Variants in PEX7 observed in about 807,000 individuals in gnomAD.
The protein encoded by PEX7 is peroxisomal biogenesis factor 7.
Under a neutral mutation model 47.5 loss-of-function variants are expected in PEX7, and 34 were observed. The observed-to-expected ratio is 0.72, with a 90% CI of 0.54 to 0.95. The LOEUF (loss-of-function observed/expected upper bound fraction) is 0.95. Ranked by LOEUF, PEX7 falls within the 40% of genes least tolerant of loss-of-function variation. The pLI is 0.00. For synonymous variants in PEX7, 141 were observed against 148.8 expected (o/e 0.95, Z 0.38); for missense variants, 394 against 400.3 (o/e 0.98, Z 0.13).
At position 136,826,481 on chromosome 6, in the gene PEX7, A is replaced by G; in HGVS notation, c.339+12A>G. 4 of 1,613,880 alleles carry G rather than the reference A, an allele frequency of 2.5e-6. No homozygotes were observed. Among genetic ancestry groups the G allele is most frequent in the African/African-American group, 2.7e-5 (2 of 74,912 alleles). ...AACACGCTCAGGAGGTAGGAGGGAAATCTTTCTGGGCTGATTATTTTTCTT... is the reference window on the plus strand; with the variant it reads ...AACACGCTCAGGAGGTAGGAGGGAAGTCTTTCTGGGCTGATTATTTTTCTT... On this transcript the variant is annotated intron_variant, in intron 3 of 9. Coordinates refer to ENST00000318471, the MANE Select transcript of PEX7 (RefSeq NM_000288.4).
chr6:136,895,825 G>A (rs573628092), intron 8 of PEX7, among the ~76,000 whole-genome samples: 1 of 152,288 alleles, frequency 6.6e-6, no homozygotes, highest in South Asian at 2.1e-4. Context: ...TCACCAAAGA[G>A]TTTCAGCATG....
chr6:136,899,724 T>C (rs1383752696), intron 9 of PEX7, among the ~76,000 whole-genome samples: 2 of 152,214 alleles, frequency 1.3e-5, no homozygotes, highest in Admixed American at 1.3e-4. Flanking sequence ...GTTTAAACGA[T>C]TCTCATTTGG....
At chr6:136,881,329 T>G (rs1481197006) in intron 8 of PEX7, among the ~76,000 whole-genome samples, 1 of 152,138 alleles carries the variant, frequency 6.6e-6, no homozygotes, top group African/African-American at 2.4e-5. Flanking sequence ...GGTTAAGCAG[T>G]ATGAAGAGAG....
chr6:136,886,435 A>G lies in PEX7; in HGVS notation c.804-11707A>G, dbSNP rs79509314. Among the ~76,000 whole-genome samples the G allele has an allele frequency of 9.1e-3, 1,391 of 152,306 alleles. 14 individuals carry two copies. Among genetic ancestry groups the G allele is most frequent in the African/African-American group, 0.032 (1,332 of 41,556 alleles). Reference sequence around the variant, plus strand: ...GGATGTTCAGAGGATTAAATGAAGTAGTATCTGTAAATACTCTGGCACATA... The same window carrying G: ...GGATGTTCAGAGGATTAAATGAAGTGGTATCTGTAAATACTCTGGCACATA... On this transcript the variant is annotated intron_variant, in intron 8 of 9. Coordinates refer to ENST00000318471, the MANE Select transcript of PEX7 (RefSeq NM_000288.4).
chr6:136,846,149 C>A lies in PEX7; in HGVS notation c.494C>A (p.Pro165His). 1.2e-6 allele frequency: 2 copies of A among 1,612,954 alleles called. No homozygotes were observed. Among genetic ancestry groups the A allele is most frequent in the African/African-American group, 1.3e-5 (1 of 74,976 alleles). ...ESIIYSTIWS[P>H]HIPGCFASAS... ...ATTATTTATAGCACAATCTGGTCTC[C>A]CCACATCCCTGGTTGTTTTGCTTCA... The change falls in exon 5 of 10, where the codon CCC becomes CAC. Residue 165 changes from proline (P) to histidine (H), a missense_variant. Physicochemically the swap from Pro to His is moderately conservative, Grantham distance 77. Coordinates refer to ENST00000318471, the MANE Select transcript of PEX7 (RefSeq NM_000288.4).
intron 5 of PEX7, among the ~76,000 whole-genome samples, chr6:136,859,638 A>C (rs538463619): frequency 1.3e-5 from 2 of 152,262 alleles, no homozygotes; most frequent in East Asian, 3.9e-4. Context: ...GTTTACACTC[A>C]TTCTCCTTAT....
chr6:136,824,257 G>A (rs929688317), intron 1 of PEX7, among the ~76,000 whole-genome samples: 4 of 152,124 alleles, frequency 2.6e-5, no homozygotes, highest in African/African-American at 9.7e-5. Flanking sequence ...GTTGAGTAGA[G>A]TGGTGCAATC....
At position 136,839,060 on chromosome 6, in the gene PEX7, G is replaced by T. The variant is rs182122684; in HGVS notation, c.340-6555G>T. 1.8e-3 allele frequency among the ~76,000 whole-genome samples: 274 copies of T among 152,076 alleles called. 2 individuals are homozygous for T. The highest frequency in any genetic ancestry group is 6.3e-3 in the African/African-American group (262 of 41,476). ...AGCTGGTGTTGTGGTGTGCACCTGT[G>T]GTCCCAGCTACCCGGGAGGTTGAGG... On this transcript the variant is annotated intron_variant, in intron 3 of 9. Coordinates refer to ENST00000318471, the MANE Select transcript of PEX7 (RefSeq NM_000288.4).
At chr6:136,833,509 G>A (rs1774331518) in intron 3 of PEX7, among the ~76,000 whole-genome samples, 4 of 152,156 alleles carry the variant, frequency 2.6e-5, no homozygotes, top group Non-Finnish European at 4.4e-5. Context: ...ATCAACTGAA[G>A]GCATTTTTTT....
intron 5 of PEX7, among the ~76,000 whole-genome samples, chr6:136,858,831 C>T (rs2115197950): frequency 6.6e-6 from 1 of 152,104 alleles, no homozygotes; most frequent in East Asian, 1.9e-4. Flanking sequence ...CTCAGTTTTG[C>T]TAGTGAGTTT....
intron 3 of PEX7, among the ~76,000 whole-genome samples, chr6:136,840,028 G>A (rs1774466439): frequency 6.6e-6 from 1 of 152,202 alleles, no homozygotes; most frequent in Non-Finnish European, 1.5e-5. Context: ...GGAGAGGCCA[G>A]GGTAGTAGTG....
intron 3 of PEX7, among the ~76,000 whole-genome samples, chr6:136,831,479 A>G (rs183186527): frequency 1.3e-5 from 2 of 152,290 alleles, no homozygotes; most frequent in Non-Finnish European, 2.9e-5. Context: ...GGCGCCTCCC[A>G]AATTTCATGT....
At chr6:136,837,316 C>T (rs1228010407) in intron 3 of PEX7, among the ~76,000 whole-genome samples, 2 of 137,280 alleles carry the variant, frequency 1.5e-5, no homozygotes, top group Non-Finnish European at 3.0e-5. Flanking sequence ...GCGCCAAGAT[C>T]GCGCCACTGC....
At chr6:136,861,093 T>G (rs1774954309) in intron 5 of PEX7, among the ~76,000 whole-genome samples, 1 of 152,204 alleles carries the variant, frequency 6.6e-6, no homozygotes, top group African/African-American at 2.4e-5. Context: ...TTTTTTTATT[T>G]TTATTTTTTG....
intron 5 of PEX7, among the ~76,000 whole-genome samples, chr6:136,860,430 T>TA (rs5880311): frequency 3.4e-5 from 5 of 147,368 alleles, no homozygotes; most frequent in Non-Finnish European, 7.5e-5. Flanking sequence ...TTTTTTTTTT[T>TA]AAATATTGCA....
chr6:136,903,987 A>T (rs1480911134), intron 9 of PEX7, among the ~76,000 whole-genome samples: 1 of 152,118 alleles, frequency 6.6e-6, no homozygotes, highest in East Asian at 1.9e-4. Flanking sequence ...TCATTTAAAA[A>T]TTCAGCTCTT....
At chr6:136,861,527 A>T (rs1774963476) in intron 5 of PEX7, among the ~76,000 whole-genome samples, 2 of 152,206 alleles carry the variant, frequency 1.3e-5, no homozygotes, top group Non-Finnish European at 2.9e-5. Context: ...GTTAGTATAT[A>T]TTATTTAGGC....
intron 5 of PEX7, among the ~76,000 whole-genome samples, chr6:136,850,980 ATTTT>A (rs1170511176): frequency 7.5e-4 from 31 of 41,430 alleles, no homozygotes; most frequent in Middle Eastern, 0.02. Flanking sequence ...TTTTTTTTTT[ATTTT>A]TTTTTTATTT....
At chr6:136,913,042 A>G (rs1311790813) in intron 9 of PEX7, among the ~76,000 whole-genome samples, 1 of 152,184 alleles carries the variant, frequency 6.6e-6, no homozygotes, top group African/African-American at 2.4e-5. Context: ...TGAATGAGCC[A>G]TTTTTTGAAG....
Sources: allele counts gnomAD v4.1 joint callset (sites outside exome capture counted in the v4.1 genomes callset), GRCh38; gene constraint gnomAD v4.1.1; transcripts MANE v1.5; gene names NCBI Gene and HGNC (gene_info 2026-07-23, HGNC 2026-07-21).